CNTN6: variants seen among roughly 807,000 people sequenced by gnomAD.
The protein encoded by CNTN6 is contactin 6.
CNTN6 carries 137 observed loss-of-function variants against 122.8 expected under a neutral mutation model. The observed-to-expected ratio is 1.12, with a 90% CI of 0.97 to 1.29. The LOEUF (loss-of-function observed/expected upper bound fraction) is 1.29. CNTN6 is among the 50% of genes most tolerant of loss of function. The pLI, the probability that CNTN6 is intolerant of heterozygous loss-of-function variation, is 0.00. For synonymous variants in CNTN6, 570 were observed against 426.0 expected (o/e 1.34, Z -4.16); for missense variants, 1,634 against 1,223.4 (o/e 1.34, Z -5.01).
intron 2 of CNTN6, among the ~76,000 whole-genome samples, chr3:1,198,804 G>A (rs78700021): frequency 0.029 from 4,471 of 152,088 alleles, 225 homozygotes; most frequent in African/African-American, 0.1. Context: ...CAAAGCATCC[G>A]CACCCACTCA....
At chr3:1,243,224 A>G (rs79204011) in intron 4 of CNTN6, among the ~76,000 whole-genome samples, 10,273 of 151,716 alleles carry the variant, frequency 0.068, 413 homozygotes, top group East Asian at 0.15. Context: ...AGGAATCCTG[A>G]GCTGCGGGCA....
At chr3:1,238,991 A>G (rs1366671048) in intron 4 of CNTN6, among the ~76,000 whole-genome samples, 2 of 152,222 alleles carry the variant, frequency 1.3e-5, no homozygotes, top group African/African-American at 4.8e-5. Context: ...ACAAAAGATT[A>G]TTGAAGGCTA....
chr3:1,253,704 C>T (rs957698959), intron 4 of CNTN6, among the ~76,000 whole-genome samples: 1 of 152,126 alleles, frequency 6.6e-6, no homozygotes, highest in Non-Finnish European at 1.5e-5. Context: ...ATAGGGTTCA[C>T]ACTCCTATAA....
rs527797498 is a variant in CNTN6, at chr3:1,144,796, C to A, written c.-82-3131C>A. Among the ~76,000 whole-genome samples, 82 of 152,066 alleles carry A rather than the reference C, an allele frequency of 5.4e-4. No homozygotes were observed. In the South Asian group the frequency reaches 0.017, roughly 31 times the overall value. On this transcript the variant is annotated intron_variant, in intron 1 of 22. Transcript: ENST00000446702. ...AATGAATCACAGTAACACTCAGATACAGAAAAAGCAGAACTCTGCTTCTTA... is the reference window on the plus strand; with the variant it reads ...AATGAATCACAGTAACACTCAGATAAAGAAAAAGCAGAACTCTGCTTCTTA...
intron 2 of CNTN6, among the ~76,000 whole-genome samples, chr3:1,170,473 G>A (rs11721280): frequency 0.12 from 17,806 of 152,018 alleles, 1,634 homozygotes; most frequent in East Asian, 0.42. Flanking sequence ...TCTATTTGGG[G>A]ATAAAACACC....
rs1316537556 is a variant in CNTN6 at position 1,330,856 on chromosome 3, C to T, written c.1364+921C>T. Among the ~76,000 whole-genome samples, 106 of 151,880 alleles carry T rather than the reference C, an allele frequency of 7.0e-4. 1 individual carries two copies. The highest frequency in any genetic ancestry group is 7.0e-3 in the Admixed American group (106 of 15,200). On this transcript the variant is annotated intron_variant, in intron 11 of 22. Transcript: ENST00000446702. ...GACGGACTAGAAAGTGAGTTCCCTA[C>T]CTAAAAAGGATAGTCACAACTCCAA...
intron 5 of CNTN6, among the ~76,000 whole-genome samples, chr3:1,294,679 C>T (rs563634617): frequency 2.0e-5 from 3 of 152,162 alleles, no homozygotes; most frequent in Non-Finnish European, 2.9e-5. Flanking sequence ...GATAGTTACT[C>T]GGAGAAATGC....
chr3:1,295,725 C>G lies in CNTN6; in HGVS notation c.579C>G (p.Asn193Lys). The G allele has an allele frequency of 6.2e-7, 1 of 1,614,074 alleles. No homozygotes were observed. The highest frequency in any genetic ancestry group is 8.5e-7 in the Non-Finnish European group (1 of 1,179,940). ...IAKVEPSDVG[N>K]YTCFITNKEA... ...AAGTGGAACCATCAGATGTGGGCAA[C>G]TACACTTGCTTTATAACTAACAAAG... The change falls in exon 6 of 23, where the codon AAC becomes AAG. Residue 193 changes from asparagine to lysine, a missense_variant. By Grantham distance (94) the Asn-to-Lys change is moderately conservative. Coordinates refer to ENST00000446702, the MANE Select transcript of CNTN6 (RefSeq NM_001289080.2).
intron 2 of CNTN6, among the ~76,000 whole-genome samples, chr3:1,203,716 A>G (rs1049172057): frequency 2.0e-5 from 3 of 152,174 alleles, no homozygotes; most frequent in African/African-American, 7.2e-5. Context: ...CAAATAATGC[A>G]CGCTTGGGGT....
chr3:1,317,665 C>T (rs957457655), intron 7 of CNTN6, among the ~76,000 whole-genome samples: 3 of 151,578 alleles, frequency 2.0e-5, no homozygotes, highest in East Asian at 1.9e-4. Flanking sequence ...AAAGAGATCT[C>T]CTCTTCAAGA....
chr3:1,318,100 G>GGAAA (rs989250452), intron 7 of CNTN6, among the ~76,000 whole-genome samples: 6 of 150,102 alleles, frequency 4.0e-5, no homozygotes, highest in South Asian at 4.2e-4. Flanking sequence ...AAAGAGAGAA[G>GGAAA]GAAAGAAAGA....
chr3:1,388,555 T>C (rs771533712), intron 20 of CNTN6, among the ~76,000 whole-genome samples: 1 of 151,138 alleles, frequency 6.6e-6, no homozygotes, highest in Non-Finnish European at 1.5e-5. Flanking sequence ...GGAACAAAGC[T>C]GGACGGAGAA....
chr3:1,321,940 A>T, intron 8 of CNTN6, 106 bp downstream of exon 8: 1 of 960,816 alleles, frequency 1.0e-6, no homozygotes, highest in Non-Finnish European at 1.5e-6. Context: ...GGGAGAAATA[A>T]GGAAGGCATA....
At position 1,171,355 on chromosome 3, in the gene CNTN6, A is replaced by G. The variant is rs75721259; in HGVS notation, c.55+23292A>G. On this transcript the variant is annotated intron_variant, in intron 2 of 22. Transcript: ENST00000446702. ...GAAAATACAGCTAAAATAACCCACA[A>G]TTTAAATTTTGGCTACAGAGTTAAT... Among the ~76,000 whole-genome samples the G allele has an allele frequency of 7.2e-4, 109 of 152,350 alleles. 1 individual carries two copies. The East Asian group carries it at 0.019, about 27-fold the overall frequency.
intron 1 of CNTN6, among the ~76,000 whole-genome samples, chr3:1,093,851 C>T (rs2090372882): frequency 6.6e-6 from 1 of 152,098 alleles, no homozygotes; most frequent in African/African-American, 2.4e-5. Flanking sequence ...ACGTATAACC[C>T]ATTATGTTAA....
intron 2 of CNTN6, among the ~76,000 whole-genome samples, chr3:1,161,975 T>G (rs909119214): frequency 6.6e-6 from 1 of 152,084 alleles, no homozygotes; most frequent in South Asian, 2.1e-4. Flanking sequence ...GATAACATAT[T>G]TGGACTCAGT....
intron 2 of CNTN6, among the ~76,000 whole-genome samples, chr3:1,159,149 T>C (rs1021183398): frequency 2.0e-5 from 3 of 151,592 alleles, no homozygotes; most frequent in Non-Finnish European, 2.9e-5. Flanking sequence ...AGGAACTGGA[T>C]TGTGTTCAAA....
intron 7 of CNTN6, among the ~76,000 whole-genome samples, chr3:1,299,068 C>G (rs907932165): frequency 6.6e-6 from 1 of 152,100 alleles, no homozygotes; most frequent in Non-Finnish European, 1.5e-5. Flanking sequence ...TTTTGCATAT[C>G]TTTGAATGAA....
chr3:1,385,974 T>C (rs1576008550), intron 20 of CNTN6, among the ~76,000 whole-genome samples, 177 bp downstream of exon 20: 1 of 152,208 alleles, frequency 6.6e-6, no homozygotes, highest in African/African-American at 2.4e-5. Flanking sequence ...ATCAAGGTAA[T>C]TGTTTTCATA....
Sources: gnomAD v4.1 joint callset for allele counts (sites outside exome capture counted in the v4.1 genomes callset) on GRCh38, gnomAD v4.1.1 for gene constraint, MANE v1.5 for transcripts, NCBI Gene and HGNC (gene_info 2026-07-23, HGNC 2026-07-21) for gene names.